Variants in MTERF4 observed in about 807,000 individuals in gnomAD.
MTERF4 encodes mitochondrial transcription termination factor 4.
MTERF4 carries 17 observed loss-of-function variants against 22.5 expected under a neutral mutation model. That is an observed-to-expected ratio of 0.75 (90% CI 0.52 to 1.13). MTERF4 has a LOEUF of 1.13. Ranked by LOEUF, MTERF4 falls within the 50% of genes most tolerant of loss-of-function variation. The probability of loss-of-function intolerance (pLI) is 0.00; values close to 1 mark genes in which losing one functional copy is unlikely to be tolerated. For synonymous variants in MTERF4, 165 were observed against 175.3 expected (o/e 0.94, Z 0.47); for missense variants, 420 against 466.8 (o/e 0.90, Z 0.92).
At chr2:241,046,859 A>G in the MTERF4 span, among the ~76,000 whole-genome samples, 2 of 152,194 alleles carry the variant, frequency 1.3e-5, 1 homozygote, top group East Asian at 3.8e-4. Context: ...TAAAAACCAA[A>G]AAGTAGCTGG....
chr2:241,088,483 G>A (rs554745275), downstream of MTERF4: 3 of 1,150,096 alleles, frequency 2.6e-6, no homozygotes, highest in African/African-American at 3.0e-5. Context: ...GGATCTCAGA[G>A]TGCCGCTGCC....
the MTERF4 span, chr2:241,065,660 G>T: frequency 7.2e-7 from 1 of 1,394,800 alleles, no homozygotes; most frequent in Admixed American, 2.1e-5. Context: ...CGCTGGCCCC[G>T]GCACCTGCAG....
intron 1 of MTERF4, among the ~76,000 whole-genome samples, chr2:241,101,523 C>A (rs983427158): frequency 6.6e-6 from 1 of 152,224 alleles, no homozygotes; most frequent in East Asian, 1.9e-4. Context: ...GGTCCCAACC[C>A]CTTCTCCAGC....
chr2:241,053,092 G>A, the MTERF4 span: 28 of 1,515,218 alleles, frequency 1.8e-5, no homozygotes, highest in Non-Finnish European at 2.2e-5. Context: ...GCAGAGGCAG[G>A]GCGGTGGGGA....
chr2:241,070,142 T>C, downstream of MTERF4: 1 of 1,611,400 alleles, frequency 6.2e-7, no homozygotes, highest in Non-Finnish European at 8.5e-7. Flanking sequence ...GTGATAGCAG[T>C]GCAGAGCACG....
the MTERF4 span, among the ~76,000 whole-genome samples, chr2:241,060,498 AAAAG>A: frequency 6.6e-6 from 1 of 152,210 alleles, no homozygotes; most frequent in African/African-American, 2.4e-5. Context: ...ATAAACTTCT[AAAAG>A]AAAGAAATAC....
Position 241,097,086 on chromosome 2 carries a change from T to C in MTERF4, c.705+157A>G, listed in dbSNP as rs1015824987. The C allele has an allele frequency of 8.9e-6, 7 of 784,086 alleles. No homozygotes were observed. The South Asian group carries it at 9.1e-5, about 10-fold the overall frequency. 48.6% of individuals were successfully genotyped at this position (784,086 alleles called of 1,614,324 possible). On this transcript the variant is annotated intron_variant, in intron 3 of 3. Coordinates refer to ENST00000391980, the MANE Select transcript of MTERF4 (RefSeq NM_182501.4). ...AATATGAGGTGTCCGAGGCTTCTTA[T>C]CCATATAACTGACCTTCACTACATT...
downstream of MTERF4, chr2:241,071,990 C>A: frequency 1.1e-6 from 1 of 951,844 alleles, no homozygotes; most frequent in South Asian, 1.4e-5. Flanking sequence ...CCAGCGCAGT[C>A]TCCAGCCAGT....
chr2:241,071,864 C>T, downstream of MTERF4: 2 of 1,604,042 alleles, frequency 1.2e-6, no homozygotes, highest in South Asian at 2.3e-5. Flanking sequence ...AGCAAAGCAG[C>T]CACCGTGAGA....
Position 241,077,057 on chromosome 2 carries a change from C to T in MTERF4, n.480-1375G>A, listed in dbSNP as rs867523212. 1.2e-3 allele frequency among the ~76,000 whole-genome samples: 179 copies of T among 147,660 alleles called. 1 individual carries two copies. Among genetic ancestry groups the T allele is most frequent in the South Asian group, 3.6e-3 (17 of 4,694 alleles). On this transcript the variant is annotated intron_variant and non_coding_transcript_variant, in intron 4 of 4. Transcript: ENST00000464344. The stretch of plus-strand genomic sequence containing the variant: ...TTGCGCCACTGCACTCCAGCCTGGG[C>T]GACAGAGCGAGACTCCGTCTCAAAA...
downstream of MTERF4, chr2:241,091,526 C>CCCCGTGTGCACTGCCATATGGTAGAA (rs1279561073): frequency 4.9e-4 from 75 of 151,948 alleles, no homozygotes; most frequent in Middle Eastern, 3.4e-3. The surrounding 1 kb of genome is among the most constrained non-coding windows in gnomAD (Gnocchi z 4.1). Flanking sequence ...GTGGGGTCCT[C>CCCCGTGTGCACTGCCATATGGTAGAA]TGGGTGACAG....
the MTERF4 span, chr2:241,048,409 C>T: frequency 4.2e-5 from 67 of 1,610,994 alleles, no homozygotes; most frequent in African/African-American, 7.6e-4. Flanking sequence ...GCGAGTGCCC[C>T]GAAGGCTTCA....
chr2:241,057,699 A>G, the MTERF4 span, among the ~76,000 whole-genome samples: 4 of 152,108 alleles, frequency 2.6e-5, no homozygotes, highest in Non-Finnish European at 4.4e-5. Context: ...TTAAAAATTA[A>G]GAAATAAACT....
chr2:241,096,486 A>G lies in MTERF4; in HGVS notation c.706-48T>C, dbSNP rs1169512603. 6.3e-7 allele frequency: 1 copy of G among 1,590,856 alleles called. No individual in the cohort carries two copies. Among genetic ancestry groups the G allele is most frequent in the South Asian group, 1.1e-5 (1 of 90,384 alleles). ...GGAGTCCCAGATACAGAGTATTGAA[A>G]CCTATCATTCTATAAACCATAAAAA... On this transcript the variant is annotated intron_variant, in intron 3 of 3. Coordinates refer to ENST00000391980, the MANE Select transcript of MTERF4 (RefSeq NM_182501.4). The surrounding 1 kb of genome is among the most constrained non-coding windows in gnomAD (Gnocchi z 5.1).
At chr2:241,101,128 C>T (rs1461352768) in intron 1 of MTERF4, 2 of 459,952 alleles carry the variant, frequency 4.3e-6, no homozygotes, top group East Asian at 7.1e-5. Flanking sequence ...GTTATTTTCA[C>T]GTTGTAATAT....
In MTERF4 at chr2:241,096,754, G is replaced by A. The variant is rs745863936; in HGVS notation, c.706-316C>T. The A allele has an allele frequency of 1.8e-6, 1 of 552,668 alleles. No individual in the cohort carries two copies. The highest frequency in any genetic ancestry group is 3.4e-6 in the Non-Finnish European group (1 of 295,852). The allele number at this position is 552,668 out of a possible 1,614,324, so 34.2% of individuals were successfully genotyped here. On this transcript the variant is annotated intron_variant, in intron 3 of 3. Transcript: ENST00000391980. This position sits in a 1 kb window ranked among gnomAD's most constrained non-coding sequence, Gnocchi z 5.1. ...GAAAAGGATGAATATGGAAAGAATA[G>A]GCAAAACATTCAGAAAACATCTAGA... is the stretch of plus-strand genomic sequence containing the variant.
At chr2:241,049,731 C>T in the MTERF4 span, 2 of 978,570 alleles carry the variant, frequency 2.0e-6, no homozygotes, top group African/African-American at 3.2e-5. Context: ...CAGGGTAACC[C>T]TGGCAGGCAA....
downstream of MTERF4, chr2:241,068,773 G>A (rs536588252): frequency 3.8e-5 from 24 of 629,934 alleles, 1 homozygote; most frequent in South Asian, 3.5e-4. The surrounding 1 kb of genome is among the most constrained non-coding windows in gnomAD (Gnocchi z 5.3). Flanking sequence ...TCTGCCCCTC[G>A]TGGAGGTTGC....
At chr2:241,059,153 G>A in the MTERF4 span, among the ~76,000 whole-genome samples, 2 of 152,112 alleles carry the variant, frequency 1.3e-5, no homozygotes. Flanking sequence ...GACAACTTAG[G>A]GGAAATGGAT....
Sources: allele counts gnomAD v4.1 joint callset (sites outside exome capture counted in the v4.1 genomes callset), GRCh38; gene constraint gnomAD v4.1.1; non-coding constraint Gnocchi (gnomAD v3.1); transcripts MANE v1.5; gene names NCBI Gene and HGNC (gene_info 2026-07-23, HGNC 2026-07-21).